COBL: variants seen among roughly 807,000 people sequenced by gnomAD.
COBL encodes the protein cordon-bleu WH2 repeat protein.
COBL carries 51 observed loss-of-function variants against 98.8 expected under a neutral mutation model. That is an observed-to-expected ratio of 0.52 (90% CI 0.41 to 0.65). The LOEUF is 0.65. Among genes scored for constraint, COBL ranks in the 30% least tolerant of loss-of-function variants. The probability of loss-of-function intolerance (pLI) is 0.00; values close to 1 mark genes in which losing one functional copy is unlikely to be tolerated. For missense variants in COBL, 1,617 were observed against 1,617.5 expected, an observed-to-expected ratio of 1.00 and a Z score of 0.01; for synonymous variants, 634 against 651.7, an observed-to-expected ratio of 0.97 and a Z score of 0.41.
chr7:51,039,547 G>A (rs1343570649), intron 8 of COBL, among the ~76,000 whole-genome samples: 1 of 152,212 alleles, frequency 6.6e-6, no homozygotes, highest in Non-Finnish European at 1.5e-5. Context: ...GCCTGTCCCT[G>A]GAACACACTA....
At chr7:51,091,569 C>T (rs1457942896) in intron 6 of COBL, among the ~76,000 whole-genome samples, 4 of 151,844 alleles carry the variant, frequency 2.6e-5, no homozygotes, top group African/African-American at 9.7e-5. Flanking sequence ...TTATGGGGAT[C>T]AGAGAAGGAG....
intron 1 of COBL, among the ~76,000 whole-genome samples, chr7:51,237,554 A>AC (rs1263607172): frequency 6.6e-6 from 1 of 151,436 alleles, no homozygotes; most frequent in Non-Finnish European, 1.5e-5. Flanking sequence ...AAAAAAAAAA[A>AC]AACTTCCAAA....
Position 51,251,712 on chromosome 7 carries a change from C to T in COBL, c.42-31768G>A, listed in dbSNP as rs146369934. ...CACAGTACCAGACATACGGTGTACA[C>T]TCAACCAATATCTGTCAGATTGAAC... On this transcript the variant is annotated intron_variant, in intron 1 of 12. Coordinates refer to ENST00000265136, the MANE Select transcript of COBL (RefSeq NM_015198.5). 2.0e-3 allele frequency among the ~76,000 whole-genome samples: 298 copies of T among 152,322 alleles called. 2 individuals are homozygous for T. Among genetic ancestry groups the T allele is most frequent in the Non-Finnish European group, 1.9e-3 (130 of 68,030 alleles).
chr7:51,027,874 A>G lies in COBL; in HGVS notation c.3222T>C (p.Ser1074=), dbSNP rs761944853. 6 of 1,614,222 alleles carry G rather than the reference A, an allele frequency of 3.7e-6. No individual in the cohort carries two copies. The highest frequency in any genetic ancestry group is 5.1e-6 in the Non-Finnish European group (6 of 1,180,040). Residue 1074 remains serine, a synonymous_variant, in exon 10 of 13, where the codon TCT becomes TCC. Transcript: ENST00000265136. ...LEREEKPSVF[S]TDGNETDSIW... is the part of the protein sequence containing the mutation. ...TACTGTCTGTTTCATTTCCATCTGT[A>G]GAGAACACACTGGGCTTTTCCTCTC...
intron 6 of COBL, among the ~76,000 whole-genome samples, chr7:51,100,144 AATCT>A (rs992864912): frequency 4.4e-4 from 67 of 152,352 alleles, no homozygotes; most frequent in African/African-American, 1.6e-3. Flanking sequence ...AGTTGACATC[AATCT>A]ATTAACTAAT....
chr7:51,150,914 C>T (rs1785492169), intron 5 of COBL, among the ~76,000 whole-genome samples: 1 of 152,182 alleles, frequency 6.6e-6, no homozygotes. Context: ...TTCAGATGCT[C>T]AGTTGGTTCT....
intron 6 of COBL, among the ~76,000 whole-genome samples, chr7:51,129,084 C>T (rs571202017): frequency 6.6e-6 from 1 of 152,232 alleles, no homozygotes; most frequent in African/African-American, 2.4e-5. Flanking sequence ...GAAAGCAATT[C>T]TTTCGCTATT....
At chr7:51,082,082 A>T (rs1793711155) in intron 7 of COBL, among the ~76,000 whole-genome samples, 1 of 152,196 alleles carries the variant, frequency 6.6e-6, no homozygotes, top group Non-Finnish European at 1.5e-5. Flanking sequence ...TAAGTAATCC[A>T]ACAATTATCT....
At chr7:51,251,826 T>C (rs1421391434) in intron 1 of COBL, among the ~76,000 whole-genome samples, 1 of 152,182 alleles carries the variant, frequency 6.6e-6, no homozygotes, top group Non-Finnish European at 1.5e-5. Flanking sequence ...TACTCCATGA[T>C]CCATTTTCCC....
chr7:51,031,076 G>A, intron 8 of COBL, 167 bp from the exon 9 acceptor site: 1 of 615,028 alleles, frequency 1.6e-6, no homozygotes, highest in Non-Finnish European at 2.9e-6. Flanking sequence ...GATTGTTCAT[G>A]GGTGTGTGTG....
intron 5 of COBL, among the ~76,000 whole-genome samples, chr7:51,178,783 A>T (rs942253886): frequency 6.6e-6 from 1 of 151,988 alleles, no homozygotes; most frequent in Non-Finnish European, 1.5e-5. Context: ...TAATTTTTGT[A>T]TTTTTAGTAG....
chr7:51,316,581 G>C lies in COBL; in HGVS notation c.41+12C>G, dbSNP rs1196666624. ...CCCCCTCTCCACCCCGCCCGACCGC[G>C]GGGCCGCTTACCCGGTCGGGGGCTT... is the stretch of plus-strand genomic sequence containing the variant. On this transcript the variant is annotated intron_variant, in intron 1 of 12. Transcript: ENST00000265136. 1.7e-6 allele frequency: 2 copies of C among 1,208,884 alleles called. No homozygotes were observed. Among genetic ancestry groups the C allele is most frequent in the Non-Finnish European group, 1.0e-6 (1 of 973,226 alleles). 74.9% of individuals were successfully genotyped at this position (1,208,884 alleles called of 1,614,324 possible).
In COBL at chr7:51,144,414, A is replaced by C. The variant is rs1784837076; in HGVS notation, c.784-8083T>G. Among the ~76,000 whole-genome samples the C allele has an allele frequency of 2.0e-5, 3 of 152,194 alleles. No homozygotes were observed. The South Asian group carries it at 6.2e-4, about 32-fold the overall frequency. On this transcript the variant is annotated intron_variant, in intron 5 of 12. Coordinates refer to ENST00000265136, the MANE Select transcript of COBL (RefSeq NM_015198.5). ...GGCAGAGGTTCGAAAACTCAGCTGC[A>C]CGGAACTCCCTGGAGCTTTAATGAT...
At chr7:51,105,269 C>T (rs1796156277) in intron 6 of COBL, among the ~76,000 whole-genome samples, 1 of 152,286 alleles carries the variant, frequency 6.6e-6, no homozygotes, top group African/African-American at 2.4e-5. Context: ...CGGGTGAATG[C>T]GTGTTTCTCA....
At chr7:51,098,657 A>G (rs946420365) in intron 6 of COBL, among the ~76,000 whole-genome samples, 1 of 152,200 alleles carries the variant, frequency 6.6e-6, no homozygotes, top group African/African-American at 2.4e-5. Flanking sequence ...TAAAGTTCCT[A>G]GAAGAAAACA....
At chr7:51,292,413 T>C (rs1800992779) in intron 1 of COBL, among the ~76,000 whole-genome samples, 1 of 152,176 alleles carries the variant, frequency 6.6e-6, no homozygotes, top group Non-Finnish European at 1.5e-5. Flanking sequence ...TTAGAATGAG[T>C]ACTATTTAAA....
intron 6 of COBL, among the ~76,000 whole-genome samples, chr7:51,133,878 T>G (rs1798979076): frequency 6.6e-6 from 1 of 152,234 alleles, no homozygotes; most frequent in Non-Finnish European, 1.5e-5. Context: ...TCAGATGAAC[T>G]GGAGGATGGC....
chr7:51,084,478 C>A (rs910652712), intron 7 of COBL, among the ~76,000 whole-genome samples: 1 of 152,090 alleles, frequency 6.6e-6, no homozygotes, highest in Admixed American at 6.5e-5. Context: ...AGTGAAATAA[C>A]AAATGCTGAA....
intron 1 of COBL, among the ~76,000 whole-genome samples, chr7:51,280,694 T>C (rs1799742872): frequency 6.6e-6 from 1 of 152,188 alleles, no homozygotes; most frequent in Admixed American, 6.5e-5. Context: ...ATTTGTGAAC[T>C]CCTGGGTGCG....
Sources: allele counts gnomAD v4.1 joint callset (sites outside exome capture counted in the v4.1 genomes callset), GRCh38; gene constraint gnomAD v4.1.1; transcripts MANE v1.5; gene names NCBI Gene and HGNC (gene_info 2026-07-23, HGNC 2026-07-21).